Variants in INPP5D observed in about 807,000 individuals in gnomAD.
INPP5D encodes phosphatidylinositol 3,4,5-trisphosphate 5-phosphatase 1.
In INPP5D, 33 loss-of-function variants were observed where a neutral mutation model predicts 122.9. The observed-to-expected ratio is 0.27, with a 90% CI of 0.20 to 0.36. INPP5D has a LOEUF of 0.36. INPP5D is among the 10% of genes least tolerant of loss of function. INPP5D has a pLI of 1.00. For missense variants in INPP5D, 1,053 were observed against 1,412.7 expected, an observed-to-expected ratio of 0.75 and a Z score of 4.08; for synonymous variants, 584 against 576.2, an observed-to-expected ratio of 1.01 and a Z score of -0.19.
At chr2:233,079,873 A>G (rs1484587329) in intron 2 of INPP5D, among the ~76,000 whole-genome samples, 1 of 152,226 alleles carries the variant, frequency 6.6e-6, no homozygotes, top group African/African-American at 2.4e-5. Flanking sequence ...GCTGGTGCTC[A>G]CTGCATCTGA....
At chr2:233,088,222 G>A (rs775722393) in intron 2 of INPP5D, among the ~76,000 whole-genome samples, 25 of 152,204 alleles carry the variant, frequency 1.6e-4, no homozygotes, top group Non-Finnish European at 3.4e-4. Context: ...TGATCTGCCC[G>A]CCTCAGCCTC....
intron 2 of INPP5D, among the ~76,000 whole-genome samples, chr2:233,083,372 C>T (rs892071691): frequency 5.9e-5 from 9 of 152,282 alleles, no homozygotes; most frequent in Admixed American, 2.6e-4. Context: ...GACCTGAGTA[C>T]GCTCTGGAAC....
intron 21 of INPP5D, 144 bp downstream of exon 21, chr2:233,186,069 A>G: frequency 1.6e-6 from 2 of 1,241,026 alleles, no homozygotes; most frequent in Non-Finnish European, 1.0e-6. Context: ...CCACTCTAGG[A>G]GCAAGCTCTC....
intron 1 of INPP5D, chr2:233,076,467 C>T (rs1021181632): frequency 1.3e-5 from 2 of 152,098 alleles, no homozygotes; most frequent in Non-Finnish European, 2.9e-5. Flanking sequence ...GGAAGAAAGA[C>T]AGAAAAATCA....
intron 20 of INPP5D, 123 bp from the exon 21 acceptor site, chr2:233,185,714 TAAAAAA>T (rs34533084): frequency 1.1e-3 from 683 of 625,678 alleles, no homozygotes; most frequent in East Asian, 2.4e-3. Context: ...GGCCCCGAGA[TAAAAAA>T]AAAAAAAAAA....
chr2:233,122,417 A>G (rs1346879260), intron 3 of INPP5D, among the ~76,000 whole-genome samples, 160 bp downstream of exon 3: 2 of 152,210 alleles, frequency 1.3e-5, no homozygotes, highest in Non-Finnish European at 2.9e-5. Context: ...TCAGGCAGAC[A>G]TGGGTTAAAA....
chr2:233,096,309 A>G lies in INPP5D; in HGVS notation c.198+16911A>G, dbSNP rs59916545. On this transcript the variant is annotated intron_variant, in intron 2 of 26. Coordinates refer to ENST00000445964, the MANE Select transcript of INPP5D (RefSeq NM_001017915.3). The stretch of plus-strand genomic sequence containing the variant: ...TGCCTGTAATTTTCAGCAGACAATG[A>G]GTGAAATATGTGATCGCAATATTTT... Among the ~76,000 whole-genome samples, 833 of 152,304 alleles carry G rather than the reference A, an allele frequency of 5.5e-3. 6 individuals are homozygous for G. Among genetic ancestry groups the G allele is most frequent in the African/African-American group, 0.019 (805 of 41,566 alleles).
Position 233,194,410 on chromosome 2 carries a change from C to G in INPP5D, c.2596+449C>G, listed in dbSNP as rs1020130040. Among the ~76,000 whole-genome samples the G allele has an allele frequency of 2.8e-4, 43 of 152,036 alleles. 1 individual carries two copies. The highest frequency in any genetic ancestry group is 7.4e-5 in the Non-Finnish European group (5 of 68,006). On this transcript the variant is annotated intron_variant, in intron 23 of 26. Coordinates refer to ENST00000445964, the MANE Select transcript of INPP5D (RefSeq NM_001017915.3). The stretch of plus-strand genomic sequence containing the variant: ...CACACGGCCACATGGTGCCCACTCC[C>G]ATATACAAACAGGCCCTCGTACGTA...
chr2:233,107,094 G>A (rs115107477), intron 2 of INPP5D, among the ~76,000 whole-genome samples: 5,414 of 152,256 alleles, frequency 0.036, 130 homozygotes, highest in African/African-American at 0.057. Context: ...CATCCCAGTG[G>A]GAATCCCAGC....
intron 20 of INPP5D, among the ~76,000 whole-genome samples, chr2:233,184,907 C>A (rs1313828493): frequency 6.6e-6 from 1 of 151,810 alleles, no homozygotes; most frequent in Non-Finnish European, 1.5e-5. Context: ...AGGGCCTGAG[C>A]AGCAGCTGCC....
rs1041744645 is a variant in INPP5D, at chr2:233,102,869, C to CAAAAAAA, written c.199-19232_199-19231insAAAAAAA. 2.1e-3 allele frequency among the ~76,000 whole-genome samples: 301 copies of CAAAAAAA among 145,892 alleles called. 3 individuals carry two copies. Among genetic ancestry groups the CAAAAAAA allele is most frequent in the Middle Eastern group, 3.7e-3 (1 of 272 alleles). On this transcript the variant is annotated intron_variant, in intron 2 of 26. Coordinates refer to ENST00000445964, the MANE Select transcript of INPP5D (RefSeq NM_001017915.3). Reference sequence around the variant, plus strand: ...CGTCTCAAAAAAAAAAAAAAACAACCAAAAAACCACAGCGCCTTCTCACTA... The same window carrying CAAAAAAA: ...CGTCTCAAAAAAAAAAAAAAACAACCAAAAAAAAAAAAACCACAGCGCCTTCTCACTA...
chr2:233,122,243 C>T lies in INPP5D; in HGVS notation c.335C>T (p.Pro112Leu). 6.2e-7 allele frequency: 1 copy of T among 1,613,670 alleles called. No homozygotes were observed. Among genetic ancestry groups the T allele is most frequent in the Non-Finnish European group, 8.5e-7 (1 of 1,179,778 alleles). ...GAGGAAGAGGACACAGGCGACGACC[C>T]TGAGGAGGACACAGGTAGGGAGGGA... ...PLEEEDTGDD[P>L]EEDTVESVVS... Residue 112 changes from proline to leucine, a missense_variant, in exon 3 of 27, where the codon CCT (proline) becomes CTT (leucine). This residue lies in a region of INPP5D where 196 missense variants were observed against 175.6 expected (regional missense o/e 1.12). Coordinates refer to ENST00000445964, the MANE Select transcript of INPP5D (RefSeq NM_001017915.3).
In INPP5D at chr2:233,198,240, C is replaced by T; in HGVS notation, c.2839C>T (p.Pro947Ser). 6.2e-7 allele frequency: 1 copy of T among 1,613,636 alleles called. No individual in the cohort carries two copies. Among genetic ancestry groups the T allele is most frequent in the Non-Finnish European group, 8.5e-7 (1 of 1,179,896 alleles). The change falls in exon 25 of 27, where the codon CCG becomes TCG. Residue 947 changes from proline (P) to serine (S), a missense_variant. Around this residue, in one of 6 missense-constraint regions of INPP5D, gnomAD observed 417 missense variants for 425.8 expected, o/e 0.98. Coordinates refer to ENST00000445964, the MANE Select transcript of INPP5D (RefSeq NM_001017915.3). ...QQPTAWSYDQ[P>S]PKDSPLGPCR... is the part of the protein sequence containing the mutation. ...GCCCACAGCCTGGAGCTACGACCAGCCGCCCAAGGACTCCCCGCTGGGGCC... is the reference window on the plus strand; with the variant it reads ...GCCCACAGCCTGGAGCTACGACCAGTCGCCCAAGGACTCCCCGCTGGGGCC...
intron 19 of INPP5D, 145 bp from the exon 20 acceptor site, chr2:233,184,263 C>A: frequency 8.3e-7 from 1 of 1,203,430 alleles, no homozygotes; most frequent in Non-Finnish European, 1.1e-6. Context: ...TGCTGGATTT[C>A]GCTGTAGCTT....
intron 1 of INPP5D, among the ~76,000 whole-genome samples, chr2:233,073,865 C>T (rs1180647173): frequency 3.3e-5 from 5 of 152,268 alleles, no homozygotes; most frequent in Admixed American, 1.3e-4. Flanking sequence ...TGACTCTAAA[C>T]GTCCCGGCTG....
At chr2:233,064,727 G>A (rs536351126) in intron 1 of INPP5D, among the ~76,000 whole-genome samples, 39 of 152,228 alleles carry the variant, frequency 2.6e-4, no homozygotes, top group Middle Eastern at 3.4e-3. Context: ...TGTGTGGGGC[G>A]GGGCAGAGCC....
chr2:233,200,149 AG>A (rs1279615345), intron 25 of INPP5D, among the ~76,000 whole-genome samples: 1 of 152,234 alleles, frequency 6.6e-6, no homozygotes, highest in African/African-American at 2.4e-5. Context: ...GAACTGGTTC[AG>A]GCAGAAGAAT....
At chr2:233,168,315 C>T (rs2106300575) in intron 13 of INPP5D, among the ~76,000 whole-genome samples, 1 of 152,362 alleles carries the variant, frequency 6.6e-6, no homozygotes, top group South Asian at 2.1e-4. Context: ...ACACTCACAA[C>T]CTGTCTCATT....
rs777797387 is a variant in INPP5D, at chr2:233,204,508, A to C, written c.3358A>C (p.Arg1120=). The C allele has an allele frequency of 6.3e-7, 1 of 1,582,114 alleles. No individual in the cohort carries two copies. The highest frequency in any genetic ancestry group is 8.6e-7 in the Non-Finnish European group (1 of 1,165,562). ...CTCCCAGGCCCCGGTGCCGGCCAAG[A>C]GGCCCATCAAGCCTTCCAGATCGGA... ...VSSQAPVPAK[R]PIKPSRSEIN... Residue 1120 remains arginine (R), a synonymous_variant, in exon 26 of 27, where the codon AGG becomes CGG. Transcript: ENST00000445964.
Sources: allele counts gnomAD v4.1 joint callset (sites outside exome capture counted in the v4.1 genomes callset), GRCh38; gene constraint gnomAD v4.1.1; regional missense constraint gnomAD v4.1.1; transcripts MANE v1.5; gene names NCBI Gene and HGNC (gene_info 2026-07-23, HGNC 2026-07-21).